NUP160: variants seen among roughly 807,000 people sequenced by gnomAD.
NUP160 encodes nucleoporin 160.
Under a neutral mutation model 196.9 loss-of-function variants are expected in NUP160, and 94 were observed. That is an observed-to-expected ratio of 0.48 (90% CI 0.40 to 0.57). The LOEUF is 0.57. Among genes scored for constraint, NUP160 ranks in the 20% least tolerant of loss-of-function variants. The pLI is 0.00. For missense variants in NUP160, 1,638 were observed against 1,748.3 expected, an observed-to-expected ratio of 0.94 and a Z score of 1.13; for synonymous variants, 605 against 619.7, an observed-to-expected ratio of 0.98 and a Z score of 0.35.
In NUP160 at chr11:47,808,544, T is replaced by C. The variant is rs757169031; in HGVS notation, c.2242-15A>G. The stretch of plus-strand genomic sequence containing the variant: ...CCCCAAATCACCTATACATTATGGG[T>C]AGGTGGACCAGACAAGAAATTATAG... On this transcript the variant is annotated splice_polypyrimidine_tract_variant and intron_variant, in intron 17 of 35. Transcript: ENST00000378460. The C allele has an allele frequency of 1.2e-6, 2 of 1,607,334 alleles. No individual in the cohort carries two copies. Among genetic ancestry groups the C allele is most frequent in the South Asian group, 2.2e-5 (2 of 89,406 alleles).
At chr11:47,803,477 C>T (rs757805919) in exon 22 of NUP160, 1 of 1,612,238 alleles carries the variant, frequency 6.2e-7, no homozygotes, top group Non-Finnish European at 8.5e-7. Flanking sequence ...ACCTTCCCAG[C>T]ATAAATCGAC....
intron 7 of NUP160, among the ~76,000 whole-genome samples, chr11:47,834,009 G>A: frequency 6.6e-6 from 1 of 152,124 alleles, no homozygotes. Context: ...ACTACATACT[G>A]AGCCCTATGA....
intron 9 of NUP160, chr11:47,820,069 A>C (rs943126215): frequency 1.3e-5 from 2 of 152,442 alleles, no homozygotes; most frequent in Non-Finnish European, 2.9e-5. Flanking sequence ...CCAGAATTCT[A>C]CCTTAGGCTC....
exon 15 of NUP160, chr11:47,812,956 T>C: frequency 6.2e-7 from 1 of 1,613,226 alleles, no homozygotes; most frequent in South Asian, 1.1e-5. Flanking sequence ...AACAACTCAT[T>C]TCCATTATAA....
intron 7 of NUP160, among the ~76,000 whole-genome samples, chr11:47,831,394 T>C (rs1376901650): frequency 2.6e-5 from 4 of 152,054 alleles, no homozygotes; most frequent in African/African-American, 4.8e-5. Flanking sequence ...GTATTCATAA[T>C]AGATAAAGGG....
chr11:47,834,266 T>C (rs1328815566), intron 7 of NUP160, among the ~76,000 whole-genome samples: 1 of 152,058 alleles, frequency 6.6e-6, no homozygotes, highest in African/African-American at 2.4e-5. Flanking sequence ...AATTGTAACA[T>C]GTCGAGGAGA....
At chr11:47,812,271 A>G (rs371579030) in intron 16 of NUP160, 31 bp downstream of exon 16, 1 of 1,613,730 alleles carries the variant, frequency 6.2e-7, no homozygotes, top group South Asian at 1.1e-5. Context: ...TGTTTTAATC[A>G]AAGAGGCACA....
At chr11:47,791,853 A>G in intron 29 of NUP160, 77 bp downstream of exon 29, 1 of 977,380 alleles carries the variant, frequency 1.0e-6, no homozygotes, top group Non-Finnish European at 1.6e-6. Flanking sequence ...TTAACTACAT[A>G]TTTCTATCAT....
chr11:47,804,550 T>C, exon 21 of NUP160: 1 of 1,532,650 alleles, frequency 6.5e-7, no homozygotes, highest in Non-Finnish European at 8.7e-7. Context: ...GGAACTCACC[T>C]GCAATTGTAC....
At chr11:47,804,483 G>GA (rs2097676288) in intron 21 of NUP160, 66 bp downstream of exon 21, 1 of 1,083,200 alleles carries the variant, frequency 9.2e-7, no homozygotes. Flanking sequence ...CATTTACAAA[G>GA]AAAAAAATTC....
chr11:47,819,320 A>T, intron 10 of NUP160, 54 bp downstream of exon 10: 2 of 1,376,876 alleles, frequency 1.5e-6, no homozygotes, highest in Non-Finnish European at 2.1e-6. Flanking sequence ...CTCAAAAAAA[A>T]AAAAAAGATC....
At chr11:47,782,499 T>C (rs933055557) in intron 34 of NUP160, among the ~76,000 whole-genome samples, 6 of 150,742 alleles carry the variant, frequency 4.0e-5, no homozygotes, top group African/African-American at 1.5e-4. Flanking sequence ...TACTTAACCA[T>C]GCTCAGGACA....
At chr11:47,836,740 C>A in intron 6 of NUP160, 147 bp downstream of exon 6, 1 of 517,640 alleles carries the variant, frequency 1.9e-6, no homozygotes. Context: ...CAAAATAAAG[C>A]TAAATGAAAC....
At chr11:47,809,938 T>C (rs959952581) in intron 17 of NUP160, among the ~76,000 whole-genome samples, 4 of 152,012 alleles carry the variant, frequency 2.6e-5, no homozygotes, top group Non-Finnish European at 5.9e-5. Flanking sequence ...AAAATTTAAG[T>C]AGTAATCACT....
At chr11:47,830,102 A>C (rs1021200001) in intron 7 of NUP160, among the ~76,000 whole-genome samples, 6 of 152,262 alleles carry the variant, frequency 3.9e-5, no homozygotes, top group Non-Finnish European at 8.8e-5. Context: ...GCTAACAAGC[A>C]TATGAATAAA....
At chr11:47,784,095 T>C (rs1381898585) in intron 33 of NUP160, among the ~76,000 whole-genome samples, 5 of 152,136 alleles carry the variant, frequency 3.3e-5, no homozygotes, top group Non-Finnish European at 5.9e-5. Flanking sequence ...AAGCTTTAGA[T>C]TTTCTCTTTC....
At chr11:47,782,306 ATATATATATAT>A (rs1565184596) in intron 34 of NUP160, among the ~76,000 whole-genome samples, 1,029 of 42,304 alleles carry the variant, frequency 0.024, 178 homozygotes, top group African/African-American at 0.082. Flanking sequence ...AAAAAAAAAT[ATATATATATAT>A]ATATATATAT....
At chr11:47,843,188 T>G (rs1852338592) in intron 2 of NUP160, among the ~76,000 whole-genome samples, 1 of 152,188 alleles carries the variant, frequency 6.6e-6, no homozygotes, top group Non-Finnish European at 1.5e-5. Flanking sequence ...TCTGCTTCCC[T>G]TATAGCAATA....
intron 34 of NUP160, 95 bp from the exon 35 acceptor site, chr11:47,780,542 T>C (rs954429816): frequency 0.012 from 154 of 12,818 alleles, no homozygotes; most frequent in Non-Finnish European, 0.016. Context: ...AAAATACCCT[T>C]TTTTTTTTTT....
Sources: gnomAD v4.1 joint callset for allele counts (sites outside exome capture counted in the v4.1 genomes callset) on GRCh38, gnomAD v4.1.1 for gene constraint, MANE v1.5 for transcripts, NCBI Gene and HGNC (gene_info 2026-07-23, HGNC 2026-07-21) for gene names.